The following SNX17 variants were observed in gnomAD, a reference collection of about 807,000 sequenced individuals.
SNX17 encodes the protein sorting nexin 17.
Under a neutral mutation model 64.3 loss-of-function variants are expected in SNX17, and 35 were observed. That is an observed-to-expected ratio of 0.54 (90% CI 0.42 to 0.72). The LOEUF (loss-of-function observed/expected upper bound fraction) is 0.72, where lower values mean the gene tolerates loss of function less well. SNX17 is among the 30% of genes least tolerant of loss of function. The pLI, the probability that SNX17 is intolerant of heterozygous loss-of-function variation, is 0.00. For missense variants in SNX17, 538 were observed against 610.0 expected (o/e 0.88, Z 1.24); for synonymous variants, 259 against 230.2 (o/e 1.13, Z -1.13).
In SNX17 at chr2:27,375,797, A is replaced by G; in HGVS notation, c.979-49A>G. ...ATGGGCTGCAGCGGGTCAGGGAGCC[A>G]GACAGGTTGGTCAGAGTGAACTCAA... On this transcript the variant is annotated intron_variant, in intron 10 of 14. Transcript: ENST00000233575. This position sits in a 1 kb window ranked among gnomAD's most constrained non-coding sequence, Gnocchi z 4.1. 6.2e-7 allele frequency: 1 copy of G among 1,610,730 alleles called. No individual in the cohort carries two copies. Among genetic ancestry groups the G allele is most frequent in the Non-Finnish European group, 8.5e-7 (1 of 1,178,092 alleles).
chr2:27,373,879 A>G lies in SNX17; in HGVS notation c.340A>G (p.Thr114Ala). The G allele has an allele frequency of 6.2e-7, 1 of 1,613,548 alleles. No individual in the cohort carries two copies. Among genetic ancestry groups the G allele is most frequent in the Non-Finnish European group, 8.5e-7 (1 of 1,179,998 alleles). Reference sequence around the variant, plus strand: ...ACAACAGGAGACACAGCAGGTCCCCACAGAGGAAGTGTCCTTGGAAGTGCT... The same window carrying G: ...ACAACAGGAGACACAGCAGGTCCCCGCAGAGGAAGTGTCCTTGGAAGTGCT... The part of the protein sequence containing the change: ...RAQQETQQVP[T>A]EEVSLEVLLS... Residue 114 changes from threonine to alanine, a missense_variant, in exon 5 of 15, where the codon ACA becomes GCA. Physicochemically the swap from Thr to Ala is moderately conservative, Grantham distance 58. Coordinates refer to ENST00000233575, the MANE Select transcript of SNX17 (RefSeq NM_014748.4).
intron 4 of SNX17, 86 bp downstream of exon 4, chr2:27,373,397 C>CTT: frequency 7.1e-7 from 1 of 1,407,810 alleles, no homozygotes; most frequent in Non-Finnish European, 1.0e-6. Flanking sequence ...GAGTCTTGCT[C>CTT]TTTTGCACAG....
At chr2:27,371,815 A>T (rs1055687285) in intron 2 of SNX17, among the ~76,000 whole-genome samples, 1 of 152,106 alleles carries the variant, frequency 6.6e-6, no homozygotes, top group African/African-American at 2.4e-5. Flanking sequence ...CTCCTTCCTT[A>T]CCAGATCTTA....
At chr2:27,372,900 T>C (rs754603879) in intron 3 of SNX17, 160 bp downstream of exon 3, 34 of 1,216,650 alleles carry the variant, frequency 2.8e-5, no homozygotes, top group Non-Finnish European at 4.0e-5. Context: ...TACGAGGATG[T>C]GTAACTCTGT....
Position 27,377,451 on chromosome 2 carries a change from G to C in SNX17, c.*732G>C. On this transcript the variant is annotated 3_prime_UTR_variant, in exon 15 of 15. Coordinates refer to ENST00000233575, the MANE Select transcript of SNX17 (RefSeq NM_014748.4). This position sits in a 1 kb window ranked among gnomAD's most constrained non-coding sequence, Gnocchi z 4.4. Reference sequence around the variant, plus strand: ...ATGGGGTTGGGCTGGTCCTTATAGTGCCTACGTTAGTCTGTGTGGAGCCCC... The same window carrying C: ...ATGGGGTTGGGCTGGTCCTTATAGTCCCTACGTTAGTCTGTGTGGAGCCCC... 7.9e-6 allele frequency: 11 copies of C among 1,393,098 alleles called. No individual in the cohort carries two copies. The highest frequency in any genetic ancestry group is 1.1e-5 in the Non-Finnish European group (11 of 994,968). 86.3% of individuals were successfully genotyped at this position (1,393,098 alleles called of 1,614,324 possible). A position where few individuals can be genotyped will look rare whatever the true frequency, so the allele number is the denominator to read the frequency against.
chr2:27,373,056 C>T (rs1049870624), intron 3 of SNX17, 191 bp from the exon 4 acceptor site: 3 of 1,549,660 alleles, frequency 1.9e-6, no homozygotes, highest in African/African-American at 1.4e-5. Context: ...AGACTGGACT[C>T]ACCTAGATGG....
chr2:27,370,737 A>G lies in SNX17; in HGVS notation c.-7A>G. On this transcript the variant is annotated 5_prime_UTR_variant, in exon 1 of 15. Transcript: ENST00000233575. ...CCGGAGCCCGGCCGTGCCGTGCCGT[A>G]GGGAACATGCACTTTTCCATTCCCG... 1 of 1,548,222 alleles carries G rather than the reference A, an allele frequency of 6.5e-7. No homozygotes were observed. Among genetic ancestry groups the G allele is most frequent in the Non-Finnish European group, 8.7e-7 (1 of 1,145,710 alleles).
rs1055547561 is a variant in SNX17, at chr2:27,376,933, C to T, written c.*214C>T. The T allele has an allele frequency of 1.0e-5, 6 of 579,850 alleles. No homozygotes were observed. The highest frequency in any genetic ancestry group is 8.6e-5 in the East Asian group (3 of 34,742). 35.9% of individuals were successfully genotyped at this position (579,850 alleles called of 1,614,324 possible). ...CCCTTCTCTTTTCAGAGCTGGCCCT[C>T]GATGCCAAATTAGCATTTAGTATTT... On this transcript the variant is annotated 3_prime_UTR_variant, in exon 15 of 15. Coordinates refer to ENST00000233575, the MANE Select transcript of SNX17 (RefSeq NM_014748.4).
intron 5 of SNX17, 42 bp downstream of exon 5, chr2:27,374,013 C>T: frequency 6.2e-7 from 1 of 1,604,108 alleles, no homozygotes; most frequent in Non-Finnish European, 8.5e-7. Flanking sequence ...CCCCTACATC[C>T]TGGGGTCCTG....
chr2:27,371,616 C>G (rs1393056868), intron 2 of SNX17: 1 of 366,604 alleles, frequency 2.7e-6, no homozygotes, highest in African/African-American at 2.1e-5. Context: ...CATGGACAAA[C>G]CAACCCCTCC....
intron 11 of SNX17, 47 bp downstream of exon 11, chr2:27,376,018 A>C (rs1486644574): frequency 5.6e-6 from 9 of 1,613,528 alleles, no homozygotes; most frequent in African/African-American, 2.7e-5. Flanking sequence ...TAAAGTGTAG[A>C]GTTTCCAGTA....
In SNX17 at chr2:27,373,242, CGTA is replaced by C; in HGVS notation, c.257-2_257del. The C allele has an allele frequency of 6.2e-7, 1 of 1,614,104 alleles. No homozygotes were observed. Among genetic ancestry groups the C allele is most frequent in the Non-Finnish European group, 8.5e-7 (1 of 1,179,978 alleles). ...TCCTGTAATAATGTTCTCTTGTCCT[CGTA>C]GTTCGGCAAGACCCATTGCTTGGGA... On this transcript the variant is annotated splice_acceptor_variant and splice_polypyrimidine_tract_variant and intron_variant, in intron 3 of 14. Coordinates refer to ENST00000233575, the MANE Select transcript of SNX17 (RefSeq NM_014748.4). LOFTEE classifies it high-confidence loss of function.
chr2:27,375,057 A>G lies in SNX17; in HGVS notation c.682-4A>G. Reference sequence around the variant, plus strand: ...CTACTGCCTGCCCCTTGTCTCTACTATAGACGGTATCAGATATTGAGCGTG... The same window carrying G: ...CTACTGCCTGCCCCTTGTCTCTACTGTAGACGGTATCAGATATTGAGCGTG... On this transcript the variant is annotated splice_polypyrimidine_tract_variant and splice_region_variant and intron_variant, in intron 8 of 14. Transcript: ENST00000233575. This position sits in a 1 kb window ranked among gnomAD's most constrained non-coding sequence, Gnocchi z 4.1. The G allele has an allele frequency of 1.2e-6, 2 of 1,613,766 alleles. No individual in the cohort carries two copies. The highest frequency in any genetic ancestry group is 1.7e-6 in the Non-Finnish European group (2 of 1,179,688).
rs959653219 is a variant in SNX17 at position 27,370,912 on chromosome 2, T to A, written c.63+106T>A. On this transcript the variant is annotated intron_variant, in intron 1 of 14. Coordinates refer to ENST00000233575, the MANE Select transcript of SNX17 (RefSeq NM_014748.4). ...CCTGACCGCCACCCTTCGGGCCTGG[T>A]CCTGGGCCGCCGACTCCCGACGGCC... 3.9e-6 allele frequency: 5 copies of A among 1,296,016 alleles called. No individual in the cohort carries two copies. In the African/African-American group the frequency reaches 6.0e-5, roughly 16 times the overall value. The allele number at this position is 1,296,016 out of a possible 1,614,324, so 80.3% of individuals were successfully genotyped here. A position where few individuals can be genotyped will look rare whatever the true frequency, so the allele number is the denominator to read the frequency against.
Position 27,375,097 on chromosome 2 carries a change from A to G in SNX17, c.718A>G (p.Thr240Ala). The G allele has an allele frequency of 6.2e-7, 1 of 1,614,068 alleles. No homozygotes were observed. Among genetic ancestry groups the G allele is most frequent in the Non-Finnish European group, 8.5e-7 (1 of 1,180,010 alleles). ...SDIERGWILV[T>A]KEQHRQLKSL... ...TATTGAGCGTGGGTGGATCTTGGTC[A>G]CCAAGGAACAGCACCGGCAACTCAA... Residue 240 changes from threonine (T) to alanine (A), a missense_variant, in exon 9 of 15, where the codon ACC (threonine) becomes GCC (alanine). By Grantham distance (58) the Thr-to-Ala change is moderately conservative (BLOSUM62 0). Transcript: ENST00000233575. The surrounding 1 kb of genome is among the most constrained non-coding windows in gnomAD (Gnocchi z 4.1).
At chr2:27,373,796 A>G (rs1441486270) in intron 4 of SNX17, 65 bp from the exon 5 acceptor site, 1 of 1,107,402 alleles carries the variant, frequency 9.0e-7, no homozygotes, top group African/African-American at 1.5e-5. Flanking sequence ...CTAGAAATAG[A>G]GTTGGGCATA....
In SNX17 at chr2:27,370,676, A is replaced by G. The variant is rs903889917; in HGVS notation, c.-68A>G. 1.6e-5 allele frequency: 24 copies of G among 1,494,072 alleles called. No individual in the cohort carries two copies. The African/African-American group carries it at 3.4e-4, about 21-fold the overall frequency. The allele number at this position is 1,494,072 out of a possible 1,614,324, so 92.6% of individuals were successfully genotyped here. ...GCTGCGGGGACTCGCTGAGCAGCGG[A>G]GGGGGAGCGTGCAGAGCCGCTGCGG... On this transcript the variant is annotated 5_prime_UTR_variant, in exon 1 of 15. Transcript: ENST00000233575.
chr2:27,371,370 C>T (rs771871691), intron 2 of SNX17, 27 bp downstream of exon 2: 3 of 1,599,982 alleles, frequency 1.9e-6, no homozygotes, highest in Non-Finnish European at 2.6e-6. Context: ...TGCCTTGAGA[C>T]AGCTTCAAGC....
At chr2:27,373,611 C>T (rs1218289830) in intron 4 of SNX17, among the ~76,000 whole-genome samples, 1 of 152,204 alleles carries the variant, frequency 6.6e-6, no homozygotes, top group Non-Finnish European at 1.5e-5. Context: ...GATCCACCCG[C>T]CTTGGCCTCC....
Sources: allele counts gnomAD v4.1 joint callset (sites outside exome capture counted in the v4.1 genomes callset), GRCh38; gene constraint gnomAD v4.1.1; non-coding constraint Gnocchi (gnomAD v3.1); transcripts MANE v1.5; gene names NCBI Gene and HGNC (gene_info 2026-07-23, HGNC 2026-07-21).